Variants in MECOM observed in about 807,000 individuals in gnomAD.
MECOM encodes histone-lysine N-methyltransferase MECOM.
MECOM carries 13 observed loss-of-function variants against 116.3 expected under a neutral mutation model. The ratio of observed to expected loss-of-function variants is 0.11; its 90% CI spans 0.07 to 0.18. The LOEUF is 0.18. Among genes scored for constraint, MECOM ranks in the 10% least tolerant of loss-of-function variants. The pLI is 1.00. For synonymous variants in MECOM, 528 were observed against 535.2 expected (o/e 0.99, Z 0.19); for missense variants, 1,299 against 1,509.0 (o/e 0.86, Z 2.31).
chr3:169,485,995 G>C lies in MECOM; in HGVS notation c.38-104471C>G, dbSNP rs1340442250. On this transcript the variant is annotated intron_variant, in intron 1 of 16. Coordinates refer to ENST00000651503, the MANE Select transcript of MECOM (RefSeq NM_004991.4). Reference sequence around the variant, plus strand: ...ATACATATATATATAGTATATATATGTATATATATACTATATATATATGTA... The same window carrying C: ...ATACATATATATATAGTATATATATCTATATATATACTATATATATATGTA... Among the ~76,000 whole-genome samples the C allele has an allele frequency of 3.1e-5, 2 of 65,078 alleles. 1 individual carries two copies. The highest frequency in any genetic ancestry group is 7.8e-4 in the East Asian group (2 of 2,566). 42.7% of individuals were successfully genotyped at this position (65,078 alleles called of 152,430 possible).
At chr3:169,365,052 G>C (rs1422776752) in intron 2 of MECOM, among the ~76,000 whole-genome samples, 1 of 151,998 alleles carries the variant, frequency 6.6e-6, no homozygotes, top group Non-Finnish European at 1.5e-5. Flanking sequence ...CATTGGGCAA[G>C]AAATCTATTT....
intron 1 of MECOM, among the ~76,000 whole-genome samples, chr3:169,415,214 G>T (rs1306285072): frequency 1.3e-5 from 2 of 152,156 alleles, no homozygotes; most frequent in African/African-American, 4.8e-5. Flanking sequence ...CCAGAAAAAA[G>T]TGGAGGCCAA....
intron 1 of MECOM, among the ~76,000 whole-genome samples, chr3:169,382,620 C>T (rs1163951902): frequency 6.6e-6 from 1 of 151,864 alleles, no homozygotes; most frequent in Non-Finnish European, 1.5e-5. Flanking sequence ...CATAGAACTT[C>T]AAGGAAGGAA....
intron 2 of MECOM, among the ~76,000 whole-genome samples, chr3:169,294,028 C>T (rs1189935098): frequency 6.6e-6 from 1 of 152,202 alleles, no homozygotes; most frequent in African/African-American, 2.4e-5. Flanking sequence ...CAACTAGAAA[C>T]TCATTACTGC....
Position 169,381,365 on chromosome 3 carries a change from G to C in MECOM, c.197C>G (p.Ala66Gly), listed in dbSNP as rs929448789. The change falls in exon 2 of 17, where the codon GCC becomes GGC. Residue 66 changes from alanine to glycine, a missense_variant. Ala to Gly is a moderately conservative substitution (Grantham distance 60, BLOSUM62 0). Around this residue, in one of 6 missense-constraint regions of MECOM, gnomAD observed 374 missense variants for 433.4 expected, o/e 0.86. Coordinates refer to ENST00000651503, the MANE Select transcript of MECOM (RefSeq NM_004991.4). ...GATATCATCAGGGATGTAGATGGGG[G>C]CTTTGTAAGGAGAACCCTCCTTTGG... ...FTPKEGSPYK[A>G]PIYIPDDIPI... is the part of the protein sequence containing the mutation. 9 of 1,613,900 alleles carry C rather than the reference G, an allele frequency of 5.6e-6. No homozygotes were observed. The South Asian group carries it at 8.8e-5, about 16-fold the overall frequency.
chr3:169,089,864 G>T, intron 15 of MECOM, 136 bp downstream of exon 15: 1 of 1,343,958 alleles, frequency 7.4e-7, no homozygotes. Context: ...ATTTAAATCT[G>T]ATCCACCATG....
chr3:169,510,046 A>G (rs1369042185), intron 1 of MECOM, among the ~76,000 whole-genome samples: 1 of 152,220 alleles, frequency 6.6e-6, no homozygotes, highest in Non-Finnish European at 1.5e-5. Flanking sequence ...ATCCTCTTAT[A>G]GGGTGGGGGC....
rs1742269803 is a variant in MECOM at position 169,158,047 on chromosome 3, T to C, written c.376-14215A>G. Among the ~76,000 whole-genome samples the C allele has an allele frequency of 2.7e-5, 4 of 150,718 alleles. No homozygotes were observed. In the Middle Eastern group the frequency reaches 0.01, roughly 384 times the overall value. ...TTGTCTAATATTACATTGTGCCTTA[T>C]ACAATTTTATATTCCTCCACCCCAC... is the stretch of plus-strand genomic sequence containing the variant. On this transcript the variant is annotated intron_variant, in intron 2 of 16. Coordinates refer to ENST00000651503, the MANE Select transcript of MECOM (RefSeq NM_004991.4).
intron 12 of MECOM, among the ~76,000 whole-genome samples, chr3:169,097,877 G>A (rs552260390): frequency 6.9e-6 from 1 of 145,522 alleles, no homozygotes; most frequent in African/African-American, 2.5e-5. Flanking sequence ...TGGTCTACTG[G>A]TATTTATCTT....
intron 1 of MECOM, among the ~76,000 whole-genome samples, chr3:169,617,197 T>C (rs780198211): frequency 1.4e-4 from 22 of 152,154 alleles, no homozygotes; most frequent in Non-Finnish European, 3.1e-4. Context: ...TAAAGAAAAT[T>C]AAAAGACCCC....
intron 2 of MECOM, among the ~76,000 whole-genome samples, chr3:169,231,787 A>G (rs1753436577): frequency 6.6e-6 from 1 of 151,980 alleles, no homozygotes; most frequent in African/African-American, 2.4e-5. Flanking sequence ...AAAAAAAAAA[A>G]GTGAATATTA....
intron 1 of MECOM, among the ~76,000 whole-genome samples, chr3:169,650,812 TTC>T (rs1160651723): frequency 5.3e-5 from 8 of 152,068 alleles, no homozygotes; most frequent in African/African-American, 1.9e-4. Context: ...TTTGGGGAAC[TTC>T]TCTGTCTGTT....
chr3:169,309,022 C>T (rs1471907467), intron 2 of MECOM, among the ~76,000 whole-genome samples: 1 of 152,204 alleles, frequency 6.6e-6, no homozygotes, highest in East Asian at 1.9e-4. Flanking sequence ...GACTATCCAT[C>T]ATATAACCCA....
At chr3:169,490,052 C>A (rs932439790) in intron 1 of MECOM, among the ~76,000 whole-genome samples, 1 of 152,016 alleles carries the variant, frequency 6.6e-6, no homozygotes. Flanking sequence ...GAATATGATA[C>A]AAAATCCACA....
chr3:169,168,341 T>A (rs895121787), intron 2 of MECOM, among the ~76,000 whole-genome samples: 2 of 150,828 alleles, frequency 1.3e-5, no homozygotes, highest in African/African-American at 2.4e-5. Context: ...GGCCTGCTTT[T>A]TTTTTTTTTT....
intron 2 of MECOM, among the ~76,000 whole-genome samples, chr3:169,345,775 GC>G (rs1055428224): frequency 2.6e-5 from 4 of 151,964 alleles, no homozygotes; most frequent in African/African-American, 9.7e-5. Flanking sequence ...TAGACAGTTT[GC>G]CCAGCCAATA....
chr3:169,216,937 C>A (rs1168625220), intron 2 of MECOM, among the ~76,000 whole-genome samples: 2 of 150,360 alleles, frequency 1.3e-5, no homozygotes, highest in African/African-American at 4.9e-5. Flanking sequence ...ATATATTACC[C>A]TATAATTTAA....
intron 1 of MECOM, among the ~76,000 whole-genome samples, chr3:169,411,724 C>G (rs1737588102): frequency 6.6e-6 from 1 of 152,232 alleles, no homozygotes; most frequent in African/African-American, 2.4e-5. Flanking sequence ...GGCGCAGTGG[C>G]TCATGCCTGT....
chr3:169,209,509 G>GA (rs56671339), intron 2 of MECOM, among the ~76,000 whole-genome samples: 13,623 of 151,842 alleles, frequency 0.09, 780 homozygotes, highest in East Asian at 0.29. Flanking sequence ...AAATTTACGA[G>GA]AAAAAAACAA....
Sources: allele counts gnomAD v4.1 joint callset (sites outside exome capture counted in the v4.1 genomes callset), GRCh38; gene constraint gnomAD v4.1.1; regional missense constraint gnomAD v4.1.1; transcripts MANE v1.5; gene names NCBI Gene and HGNC (gene_info 2026-07-23, HGNC 2026-07-21).